Variants in ELOVL6 observed in about 807,000 individuals in gnomAD.
The protein encoded by ELOVL6 is ELOVL fatty acid elongase 6, also known as very long chain fatty acid elongase 6.
ELOVL6 carries 8 observed loss-of-function variants against 31.7 expected under a neutral mutation model. The ratio of observed to expected loss-of-function variants is 0.25; its 90% CI spans 0.15 to 0.45. The LOEUF is 0.45. ELOVL6 is among the 20% of genes least tolerant of loss of function. The probability of loss-of-function intolerance (pLI) is 1.00; values close to 1 mark genes in which losing one functional copy is unlikely to be tolerated. For synonymous variants in ELOVL6, 101 were observed against 117.7 expected, an observed-to-expected ratio of 0.86 and a Z score of 0.92; for missense variants, 126 against 326.4, an observed-to-expected ratio of 0.39 and a Z score of 4.73.
intron 1 of ELOVL6, among the ~76,000 whole-genome samples, chr4:110,115,589 A>AC (rs1197611771): frequency 2.0e-5 from 3 of 152,134 alleles, no homozygotes; most frequent in Admixed American, 2.0e-4. Flanking sequence ...ACAAAAAAAA[A>AC]CTTCCAGAAA....
At chr4:110,188,560 T>C (rs1759512545) in intron 1 of ELOVL6, among the ~76,000 whole-genome samples, 1 of 152,024 alleles carries the variant, frequency 6.6e-6, no homozygotes, top group Admixed American at 6.6e-5. Context: ...CAAAAGATCA[T>C]AAAGGGTGGC....
chr4:110,196,977 G>C (rs1413329668), intron 1 of ELOVL6, among the ~76,000 whole-genome samples: 3 of 152,200 alleles, frequency 2.0e-5, no homozygotes, highest in Admixed American at 6.5e-5. Context: ...CCTTTTCGCA[G>C]CTGCGGCCCC....
intron 1 of ELOVL6, among the ~76,000 whole-genome samples, chr4:110,181,475 T>A (rs940324522): frequency 3.3e-5 from 5 of 151,978 alleles, no homozygotes; most frequent in South Asian, 2.1e-4. Flanking sequence ...AAGTTAAAAC[T>A]GTATATGATT....
chr4:110,109,498 A>G (rs1756971998), intron 1 of ELOVL6, among the ~76,000 whole-genome samples: 1 of 152,174 alleles, frequency 6.6e-6, no homozygotes, highest in Non-Finnish European at 1.5e-5. Flanking sequence ...ATAAAAATGA[A>G]TAGTGGATCT....
In ELOVL6 at chr4:110,051,136, C is replaced by T. The variant is rs1438738299; in HGVS notation, c.*202G>A. ...GCAGCAGTGCTTGGAGATGGAGGTG[C>T]ACTCAGTGAGTCCTCACCCTAAAAG... On this transcript the variant is annotated 3_prime_UTR_variant, in exon 4 of 4. Coordinates refer to ENST00000302274, the MANE Select transcript of ELOVL6 (RefSeq NM_024090.3). The surrounding 1 kb of genome is among the most constrained non-coding windows in gnomAD (Gnocchi z 4.8). 3 of 577,454 alleles carry T rather than the reference C, an allele frequency of 5.2e-6. No homozygotes were observed. The highest frequency in any genetic ancestry group is 9.2e-6 in the Non-Finnish European group (3 of 326,532). The allele number at this position is 577,454 out of a possible 1,614,324, so 35.8% of individuals were successfully genotyped here. A position where few individuals can be genotyped will look rare whatever the true frequency, so the allele number is the denominator to read the frequency against.
intron 1 of ELOVL6, among the ~76,000 whole-genome samples, chr4:110,122,716 C>A (rs1757388762): frequency 6.6e-6 from 1 of 152,208 alleles, no homozygotes; most frequent in African/African-American, 2.4e-5. Flanking sequence ...TTTCACCTCT[C>A]CCTACTCCTC....
At chr4:110,080,724 G>A (rs1755814872) in intron 2 of ELOVL6, among the ~76,000 whole-genome samples, 1 of 152,138 alleles carries the variant, frequency 6.6e-6, no homozygotes, top group Non-Finnish European at 1.5e-5. Flanking sequence ...TCAACATAGT[G>A]TTGGAAGTTC....
intron 3 of ELOVL6, among the ~76,000 whole-genome samples, chr4:110,058,393 T>G (rs72676980): frequency 0.044 from 6,642 of 152,180 alleles, 274 homozygotes; most frequent in East Asian, 0.16. Context: ...CAGGAAAAAT[T>G]TTCTTCTGTT....
At chr4:110,061,893 G>A (rs1255062460) in intron 2 of ELOVL6, among the ~76,000 whole-genome samples, 3 of 152,122 alleles carry the variant, frequency 2.0e-5, no homozygotes, top group Non-Finnish European at 2.9e-5. Context: ...CATGATCAGA[G>A]TAGATCCAAA....
chr4:110,189,929 T>C (rs1759563880), intron 1 of ELOVL6, among the ~76,000 whole-genome samples: 1 of 149,948 alleles, frequency 6.7e-6, no homozygotes, highest in South Asian at 2.1e-4. Flanking sequence ...ATCATGCCAC[T>C]GCACTCCAGC....
intron 2 of ELOVL6, among the ~76,000 whole-genome samples, chr4:110,084,564 A>ATATTTT (rs1756172848): frequency 6.0e-5 from 2 of 33,204 alleles, no homozygotes; most frequent in African/African-American, 5.3e-4. Flanking sequence ...ACACACACAG[A>ATATTTT]TATATATATA....
intron 2 of ELOVL6, among the ~76,000 whole-genome samples, chr4:110,068,880 C>T (rs904934548): frequency 6.6e-6 from 1 of 152,156 alleles, no homozygotes; most frequent in East Asian, 1.9e-4. Context: ...CCATGGCTCA[C>T]GCCTGTAATC....
intron 1 of ELOVL6, among the ~76,000 whole-genome samples, chr4:110,141,654 T>C (rs1384206110): frequency 6.7e-6 from 1 of 149,140 alleles, no homozygotes; most frequent in African/African-American, 2.5e-5. Flanking sequence ...TTGTATTGTA[T>C]TAGTATATAT....
intron 2 of ELOVL6, among the ~76,000 whole-genome samples, chr4:110,094,508 C>CAT (rs1401864629): frequency 4.2e-5 from 5 of 117,806 alleles, no homozygotes; most frequent in Non-Finnish European, 8.7e-5. Context: ...ATTATATATA[C>CAT]ATATATATAA....
chr4:110,187,431 G>C (rs1759482265), intron 1 of ELOVL6, among the ~76,000 whole-genome samples: 1 of 149,478 alleles, frequency 6.7e-6, no homozygotes, highest in South Asian at 2.1e-4. Flanking sequence ...TCTCAAGTTA[G>C]ACCTCAGCAA....
rs536846075 is a variant in ELOVL6, at chr4:110,198,378, T to C, written c.-43A>G. 3.3e-6 allele frequency: 4 copies of C among 1,203,454 alleles called. No individual in the cohort carries two copies. Among genetic ancestry groups the C allele is most frequent in the Middle Eastern group, 1.9e-4 (1 of 5,198 alleles). 74.5% of individuals were successfully genotyped at this position (1,203,454 alleles called of 1,614,324 possible). A position where few individuals can be genotyped will look rare whatever the true frequency, so the allele number is the denominator to read the frequency against. ...GTCGCTACGTGTTCTCTATACAAAA[T>C]AAAATAATCTGTAAAGCGCTTGATT... On this transcript the variant is annotated 5_prime_UTR_variant, in exon 1 of 4. Transcript: ENST00000302274.
intron 2 of ELOVL6, among the ~76,000 whole-genome samples, chr4:110,082,543 A>T (rs1378059503): frequency 2.0e-5 from 3 of 152,016 alleles, no homozygotes; most frequent in African/African-American, 4.8e-5. Context: ...GAATTGAACA[A>T]TGAGAACACA....
chr4:110,112,972 C>G (rs911888785), intron 1 of ELOVL6, among the ~76,000 whole-genome samples: 4 of 152,122 alleles, frequency 2.6e-5, no homozygotes, highest in African/African-American at 9.7e-5. Context: ...CGCCTGTAAT[C>G]CCAGCACTTC....
intron 2 of ELOVL6, among the ~76,000 whole-genome samples, chr4:110,060,845 C>G (rs1032547371): frequency 4.6e-5 from 7 of 152,170 alleles, no homozygotes; most frequent in African/African-American, 1.7e-4. Context: ...GGAAATGGAG[C>G]CTTCTTTTCT....
Sources: allele counts gnomAD v4.1 joint callset (sites outside exome capture counted in the v4.1 genomes callset), GRCh38; gene constraint gnomAD v4.1.1; non-coding constraint Gnocchi (gnomAD v3.1); transcripts MANE v1.5; gene names NCBI Gene and HGNC (gene_info 2026-07-23, HGNC 2026-07-21).